PSD2: variants seen among roughly 807,000 people sequenced by gnomAD.
PSD2 encodes PH and SEC7 domain-containing protein 2.
In PSD2, 38 loss-of-function variants were observed where a neutral mutation model predicts 69.8. The ratio of observed to expected loss-of-function variants is 0.54; its 90% confidence interval spans 0.42 to 0.71. The LOEUF is 0.71. PSD2 is among the 30% of genes least tolerant of loss of function. PSD2 has a pLI of 0.00. For missense variants in PSD2, 943 were observed against 1,014.5 expected, an observed-to-expected ratio of 0.93 and a Z score of 0.96; for synonymous variants, 412 against 423.0, an observed-to-expected ratio of 0.97 and a Z score of 0.32.
the PSD2 span, among the ~76,000 whole-genome samples, chr5:139,764,030 T>C: frequency 6.6e-6 from 1 of 152,204 alleles, no homozygotes; most frequent in African/African-American, 2.4e-5. Context: ...AGATGAGCTC[T>C]CCTGTGCCTC....
the PSD2 span, among the ~76,000 whole-genome samples, chr5:139,761,768 C>G: frequency 1.3e-5 from 2 of 152,174 alleles, no homozygotes; most frequent in South Asian, 4.1e-4. Context: ...GGAGATCATC[C>G]ATGGCTTAGG....
the PSD2 span, among the ~76,000 whole-genome samples, chr5:139,789,367 G>T: frequency 6.6e-6 from 1 of 152,150 alleles, no homozygotes; most frequent in Non-Finnish European, 1.5e-5. Context: ...GGCCTTCGCT[G>T]AACACCTGAC....
At chr5:139,782,554 G>A in the PSD2 span, among the ~76,000 whole-genome samples, 21 of 145,312 alleles carry the variant, frequency 1.4e-4, no homozygotes, top group African/African-American at 4.6e-4. Context: ...GTGCAGTGGC[G>A]TGATCTGCGC....
the PSD2 span, among the ~76,000 whole-genome samples, chr5:139,749,850 A>G: frequency 9.0e-6 from 1 of 110,948 alleles, no homozygotes; most frequent in Non-Finnish European, 1.9e-5. Context: ...ACAAACAAAC[A>G]AAAACAAACA....
At chr5:139,822,697 C>T (rs1275239898) in intron 6 of PSD2, 29 bp from the exon 7 acceptor site, 3 of 1,598,360 alleles carry the variant, frequency 1.9e-6, no homozygotes, top group South Asian at 1.1e-5. Flanking sequence ...TGGATCCTCG[C>T]ACTGAGAGTG....
At chr5:139,834,374 C>A (rs1203082720) in intron 8 of PSD2, among the ~76,000 whole-genome samples, 1 of 152,106 alleles carries the variant, frequency 6.6e-6, no homozygotes, top group Non-Finnish European at 1.5e-5. Context: ...CAGCCTGGAA[C>A]TTTTGGCCTC....
chr5:139,808,263 C>T (rs777118196), intron 1 of PSD2, among the ~76,000 whole-genome samples: 1 of 152,184 alleles, frequency 6.6e-6, no homozygotes, highest in East Asian at 1.9e-4. Context: ...CTAGGTGGGG[C>T]CAGGGGCAGA....
At chr5:139,796,831 G>A (rs2126919736) in intron 1 of PSD2, among the ~76,000 whole-genome samples, 1 of 152,344 alleles carries the variant, frequency 6.6e-6, no homozygotes, top group East Asian at 1.9e-4. Flanking sequence ...ACAGGGAGCA[G>A]AAGCAGCAGT....
the PSD2 span, among the ~76,000 whole-genome samples, chr5:139,773,496 A>G: frequency 6.6e-5 from 10 of 152,226 alleles, no homozygotes; most frequent in African/African-American, 2.4e-4. Flanking sequence ...CCTGACCTCA[A>G]GCAGTTCTCC....
chr5:139,840,551 TA>T (rs1760849176), intron 14 of PSD2, among the ~76,000 whole-genome samples: 3 of 147,994 alleles, frequency 2.0e-5, no homozygotes, highest in South Asian at 4.3e-4. Context: ...ATCTCATTAC[TA>T]TTTTTTTTTT....
the PSD2 span, among the ~76,000 whole-genome samples, chr5:139,756,078 G>T: frequency 6.6e-6 from 1 of 152,194 alleles, no homozygotes; most frequent in South Asian, 2.1e-4. Flanking sequence ...CCCCAGTCAC[G>T]CTGCTCTGGG....
the PSD2 span, among the ~76,000 whole-genome samples, chr5:139,764,279 G>A: frequency 1.3e-4 from 20 of 152,230 alleles, no homozygotes; most frequent in East Asian, 3.5e-3. Context: ...TGGCCAGCTC[G>A]CGCCTGGCAC....
chr5:139,822,766 C>T lies in PSD2; in HGVS notation c.1251C>T (p.Asn417=). Residue 417 remains asparagine (N), a synonymous_variant, in exon 7 of 15, where the codon AAC becomes AAT. Coordinates refer to ENST00000274710, the MANE Select transcript of PSD2 (RefSeq NM_032289.4). ...TCACCTGTGCCCTGATGCTGCTCAA[C>T]ACGGACCTGCACGGCCACGTGAGTT... ...HTLTCALMLL[N]TDLHGHNIGK... is the part of the protein sequence containing the mutation. The T allele has an allele frequency of 6.2e-7, 1 of 1,609,802 alleles. No individual in the cohort carries two copies. The highest frequency in any genetic ancestry group is 8.5e-7 in the Non-Finnish European group (1 of 1,177,894).
intron 6 of PSD2, 75 bp from the exon 7 acceptor site, chr5:139,822,651 A>G (rs904846922): frequency 3.6e-6 from 5 of 1,374,314 alleles, no homozygotes; most frequent in Non-Finnish European, 5.0e-6. Flanking sequence ...AGGTCTCCTG[A>G]CGGGTTCCGT....
At chr5:139,751,987 C>T in the PSD2 span, among the ~76,000 whole-genome samples, 1 of 151,870 alleles carries the variant, frequency 6.6e-6, no homozygotes, top group Non-Finnish European at 1.5e-5. Context: ...GAGACTGGGT[C>T]TTCCTATGTT....
intron 5 of PSD2, 65 bp from the exon 6 acceptor site, chr5:139,821,828 T>C: frequency 1.1e-6 from 1 of 875,532 alleles, no homozygotes; most frequent in Non-Finnish European, 1.9e-6. Context: ...GCTGTGTGTG[T>C]GGGGGGTGGT....
rs1482429645 is a variant in PSD2, at chr5:139,795,844, G to A, written c.-182G>A. The A allele has an allele frequency of 6.6e-6, 1 of 151,540 alleles. No homozygotes were observed. The highest frequency in any genetic ancestry group is 1.5e-5 in the Non-Finnish European group (1 of 67,908). The allele number at this position is 151,540 out of a possible 1,614,324, so 9.4% of individuals were successfully genotyped here. A position where few individuals can be genotyped will look rare whatever the true frequency, so the allele number is the denominator to read the frequency against. On this transcript the variant is annotated 5_prime_UTR_variant, in exon 1 of 15. Transcript: ENST00000274710. The surrounding 1 kb of genome is among the most constrained non-coding windows in gnomAD (Gnocchi z 4.5). ...CCCTCGCTCAGCCTCTCCACATCGC[G>A]GCTCCGGCACCTGAAGGGACGCGGG...
chr5:139,779,333 A>G, the PSD2 span, among the ~76,000 whole-genome samples: 1 of 152,224 alleles, frequency 6.6e-6, no homozygotes, highest in Non-Finnish European at 1.5e-5. Context: ...AACAAATTTT[A>G]CAGTGAACAC....
rs1760768670 is a variant in PSD2, at chr5:139,837,648, T to G, written c.1689T>G (p.Ala563=). Residue 563 remains alanine, a synonymous_variant, in exon 12 of 15, where the codon GCT becomes GCG. Transcript: ENST00000274710. This position sits in a 1 kb window ranked among gnomAD's most constrained non-coding sequence, Gnocchi z 5.0. The part of the protein sequence containing the change: ...LQKDEYRPDK[A]LSEGDLKNAI... ...AGGATGAGTACAGGCCTGACAAAGC[T>G]CTATCGGAGGGTGACCTGAAGAACG... is the stretch of plus-strand genomic sequence containing the variant. 7 of 1,612,376 alleles carry G rather than the reference T, an allele frequency of 4.3e-6. No homozygotes were observed. Among genetic ancestry groups the G allele is most frequent in the Non-Finnish European group, 5.9e-6 (7 of 1,178,748 alleles).
Sources: gnomAD v4.1 joint callset for allele counts (sites outside exome capture counted in the v4.1 genomes callset) on GRCh38, gnomAD v4.1.1 for gene constraint, Gnocchi (gnomAD v3.1) non-coding constraint, MANE v1.5 for transcripts, NCBI Gene and HGNC (gene_info 2026-07-23, HGNC 2026-07-21) for gene names.